The following ZBTB20 variants were observed in gnomAD, a reference collection of about 807,000 sequenced individuals.
ZBTB20 encodes the protein zinc finger and BTB domain containing 20, also known as zinc finger and BTB domain-containing protein 20.
In ZBTB20, 9 loss-of-function variants were observed where a neutral mutation model predicts 56.9. The observed-to-expected ratio is 0.16, with a 90% confidence interval of 0.10 to 0.28. The LOEUF is 0.28. ZBTB20 is among the 10% of genes least tolerant of loss of function. The pLI is 1.00. For synonymous variants in ZBTB20, 417 were observed against 420.7 expected (o/e 0.99, Z 0.11); for missense variants, 655 against 1,003.0 (o/e 0.65, Z 4.69).
intron 3 of ZBTB20, among the ~76,000 whole-genome samples, chr3:114,940,119 G>A (rs2076677130): frequency 6.9e-6 from 1 of 145,946 alleles, no homozygotes; most frequent in African/African-American, 2.8e-5. Flanking sequence ...TAAACAGTTT[G>A]AGAGTCACCA....
chr3:114,352,725 T>C (rs928699320), intron 10 of ZBTB20, among the ~76,000 whole-genome samples: 1 of 152,244 alleles, frequency 6.6e-6, no homozygotes, highest in Admixed American at 6.5e-5. Context: ...ATGGCAGTTC[T>C]GACCCAGGAG....
intron 7 of ZBTB20, among the ~76,000 whole-genome samples, chr3:114,496,416 T>C (rs1295385226): frequency 6.6e-6 from 1 of 152,188 alleles, no homozygotes; most frequent in Non-Finnish European, 1.5e-5. Context: ...AAACACATAA[T>C]TGACCATCTG....
chr3:114,792,284 T>C (rs1312241308), intron 5 of ZBTB20: 1 of 152,120 alleles, frequency 6.6e-6, no homozygotes, highest in Non-Finnish European at 1.5e-5. Context: ...TCAAAAGATA[T>C]ATTAATGCAC....
At chr3:115,035,382 A>T (rs751916555) in intron 2 of ZBTB20, among the ~76,000 whole-genome samples, 1 of 152,124 alleles carries the variant, frequency 6.6e-6, no homozygotes, top group Non-Finnish European at 1.5e-5. Flanking sequence ...AAAAATCTGA[A>T]TCAAAACTGT....
chr3:114,815,143 G>A (rs879475272), intron 4 of ZBTB20, among the ~76,000 whole-genome samples: 3 of 152,094 alleles, frequency 2.0e-5, no homozygotes, highest in Admixed American at 2.0e-4. Flanking sequence ...TAACAAGTTC[G>A]GAGACATGGA....
chr3:114,709,289 C>T (rs1344666617), intron 5 of ZBTB20, among the ~76,000 whole-genome samples: 1 of 152,126 alleles, frequency 6.6e-6, no homozygotes, highest in South Asian at 2.1e-4. Flanking sequence ...AGAGACACCA[C>T]CCCTCTCATG....
chr3:114,564,151 TCAC>T (rs2052436116), intron 6 of ZBTB20, among the ~76,000 whole-genome samples: 1 of 152,144 alleles, frequency 6.6e-6, no homozygotes, highest in African/African-American at 2.4e-5. Context: ...TCTGCTTCCA[TCAC>T]CACATCTCCT....
At chr3:115,026,105 C>A (rs1166899352) in intron 2 of ZBTB20, among the ~76,000 whole-genome samples, 1 of 150,636 alleles carries the variant, frequency 6.6e-6, no homozygotes, top group Non-Finnish European at 1.5e-5. Context: ...ACACTGAAGA[C>A]CCAGAAATGA....
At chr3:114,927,264 T>C (rs2076193312) in intron 3 of ZBTB20, among the ~76,000 whole-genome samples, 1 of 152,232 alleles carries the variant, frequency 6.6e-6, no homozygotes, top group Admixed American at 6.5e-5. Context: ...GTCCTGCTTT[T>C]GCTTCAAGTT....
At chr3:115,043,634 T>A (rs537301864) in intron 2 of ZBTB20, among the ~76,000 whole-genome samples, 56 of 144,044 alleles carry the variant, frequency 3.9e-4, no homozygotes, top group Admixed American at 1.8e-3. Context: ...AATAAAATAA[T>A]AAAATAAATA....
chr3:114,783,326 TAC>T (rs1452725581), intron 5 of ZBTB20, among the ~76,000 whole-genome samples: 2 of 152,238 alleles, frequency 1.3e-5, no homozygotes, highest in East Asian at 3.8e-4. Context: ...CTTGTTTACC[TAC>T]AGAGTAGACT....
At chr3:114,852,349 C>T (rs1176728068) in intron 4 of ZBTB20, among the ~76,000 whole-genome samples, 3 of 151,954 alleles carry the variant, frequency 2.0e-5, no homozygotes, top group African/African-American at 7.3e-5. Context: ...CTGCAACCTC[C>T]ACCTCCCAGC....
At chr3:115,118,244 G>C (rs995847484) in intron 1 of ZBTB20, among the ~76,000 whole-genome samples, 2 of 151,976 alleles carry the variant, frequency 1.3e-5, no homozygotes, top group Non-Finnish European at 2.9e-5. Context: ...GCCCAGGCTA[G>C]AGTGCAGTTG....
At chr3:114,764,052 T>C (rs2068617019) in intron 5 of ZBTB20, among the ~76,000 whole-genome samples, 1 of 152,088 alleles carries the variant, frequency 6.6e-6, no homozygotes, top group African/African-American at 2.4e-5. Context: ...ACCCCAGTAA[T>C]GAGAAAATAT....
intron 4 of ZBTB20, among the ~76,000 whole-genome samples, chr3:114,804,573 A>G (rs2071961399): frequency 6.6e-6 from 1 of 151,976 alleles, no homozygotes; most frequent in Non-Finnish European, 1.5e-5. Context: ...TGGTCAGCAT[A>G]GAAGGCTAAT....
intron 6 of ZBTB20, among the ~76,000 whole-genome samples, chr3:114,588,771 T>A (rs1428824497): frequency 1.3e-5 from 2 of 152,178 alleles, no homozygotes; most frequent in African/African-American, 4.8e-5. Flanking sequence ...AGGATACTTC[T>A]TTCTGTTCTG....
chr3:114,996,174 A>G (rs904452078), intron 2 of ZBTB20, among the ~76,000 whole-genome samples: 1 of 151,854 alleles, frequency 6.6e-6, no homozygotes, highest in Non-Finnish European at 1.5e-5. Context: ...AGAGAAAAAC[A>G]TGTAGAATGG....
intron 7 of ZBTB20, among the ~76,000 whole-genome samples, chr3:114,410,072 T>G (rs551501921): frequency 4.3e-4 from 65 of 152,140 alleles, no homozygotes; most frequent in African/African-American, 1.4e-3. Context: ...CTCAGGCAAC[T>G]CAGAGAGAGA....
intron 10 of ZBTB20, among the ~76,000 whole-genome samples, chr3:114,376,293 G>T (rs1576456240): frequency 6.6e-6 from 1 of 152,192 alleles, no homozygotes; most frequent in African/African-American, 2.4e-5. Flanking sequence ...CCCACACCCA[G>T]TGTTGTGTAA....
Sources: allele counts gnomAD v4.1 joint callset (sites outside exome capture counted in the v4.1 genomes callset), GRCh38; gene constraint gnomAD v4.1.1; transcripts MANE v1.5; gene names NCBI Gene and HGNC (gene_info 2026-07-23, HGNC 2026-07-21).